AP3S1: variants seen among roughly 807,000 people sequenced by gnomAD.
The protein encoded by AP3S1 is adaptor related protein complex 3 subunit sigma 1.
AP3S1 carries 12 observed loss-of-function variants against 21.3 expected under a neutral mutation model. That is an observed-to-expected ratio of 0.56 (90% confidence interval 0.36 to 0.91). The LOEUF is 0.91. Among genes scored for constraint, AP3S1 ranks in the 40% least tolerant of loss-of-function variants. AP3S1 has a pLI of 0.01. For missense variants in AP3S1, 116 were observed against 225.0 expected (o/e 0.52, Z 3.10); for synonymous variants, 48 against 78.4 (o/e 0.61, Z 2.05).
chr5:115,880,362 C>T (rs1318528337), intron 3 of AP3S1, among the ~76,000 whole-genome samples: 2 of 152,200 alleles, frequency 1.3e-5, no homozygotes, highest in Non-Finnish European at 2.9e-5. Context: ...CACTGAAACA[C>T]TGCTTTAGCT....
intron 3 of AP3S1, among the ~76,000 whole-genome samples, chr5:115,886,853 C>G (rs1749828305): frequency 6.6e-6 from 1 of 152,174 alleles, no homozygotes; most frequent in African/African-American, 2.4e-5. Flanking sequence ...TTCTTCAGCT[C>G]TTAATTTCTC....
chr5:115,856,964 TC>T (rs1762844004), intron 1 of AP3S1, among the ~76,000 whole-genome samples: 1 of 152,156 alleles, frequency 6.6e-6, no homozygotes, highest in African/African-American at 2.4e-5. Context: ...CTTTCCCCGT[TC>T]CTCCTTTTAT....
At chr5:115,842,445 G>A (rs559295979) in intron 1 of AP3S1, 2 of 222,260 alleles carry the variant, frequency 9.0e-6, no homozygotes, top group South Asian at 1.1e-4. Flanking sequence ...GCGGAGCCCT[G>A]CGCCCAGTCC....
intron 3 of AP3S1, among the ~76,000 whole-genome samples, chr5:115,878,666 T>C (rs1212861086): frequency 6.6e-6 from 1 of 152,216 alleles, no homozygotes; most frequent in African/African-American, 2.4e-5. Context: ...TTTAGGATTG[T>C]CTTGGCTGTA....
At chr5:115,901,230 C>T (rs1476559699) in intron 4 of AP3S1, among the ~76,000 whole-genome samples, 3 of 151,990 alleles carry the variant, frequency 2.0e-5, no homozygotes, top group African/African-American at 7.3e-5. Context: ...CATATACACA[C>T]GTATAACAAG....
At chr5:115,854,893 T>G (rs1288403986) in intron 1 of AP3S1, among the ~76,000 whole-genome samples, 1 of 152,164 alleles carries the variant, frequency 6.6e-6, no homozygotes, top group Non-Finnish European at 1.5e-5. Flanking sequence ...TCATTGTTCC[T>G]CTTGACTTCT....
chr5:115,899,490 G>C (rs552862982), intron 4 of AP3S1, among the ~76,000 whole-genome samples: 45 of 152,250 alleles, frequency 3.0e-4, no homozygotes, highest in Admixed American at 4.6e-4. Flanking sequence ...GTCTTGCTGT[G>C]TTGCCCAGGC....
chr5:115,904,404 A>G (rs1226923320), intron 5 of AP3S1, among the ~76,000 whole-genome samples: 2 of 152,248 alleles, frequency 1.3e-5, no homozygotes. Flanking sequence ...TGAAGAATAA[A>G]TCTCAAATCT....
intron 3 of AP3S1, among the ~76,000 whole-genome samples, chr5:115,888,598 T>C (rs1580709064): frequency 6.6e-6 from 1 of 152,282 alleles, no homozygotes; most frequent in African/African-American, 2.4e-5. Context: ...AATGACATTT[T>C]GTTGCAGGGT....
intron 3 of AP3S1, among the ~76,000 whole-genome samples, chr5:115,871,001 C>G (rs557572140): frequency 6.6e-6 from 1 of 152,204 alleles, no homozygotes; most frequent in Non-Finnish European, 1.5e-5. Context: ...GATACCTGCA[C>G]ACACAGTGGA....
intron 3 of AP3S1, among the ~76,000 whole-genome samples, chr5:115,875,136 AAT>A (rs1173067167): frequency 1.3e-4 from 20 of 152,144 alleles, no homozygotes; most frequent in Admixed American, 1.3e-3. Flanking sequence ...AACTGAAGTA[AAT>A]ATGTTTTTTT....
chr5:115,872,344 C>A (rs1748339483), intron 3 of AP3S1, among the ~76,000 whole-genome samples: 1 of 151,996 alleles, frequency 6.6e-6, no homozygotes, highest in Non-Finnish European at 1.5e-5. Context: ...ATAAATTGAT[C>A]TATTTGTATG....
intron 1 of AP3S1, among the ~76,000 whole-genome samples, chr5:115,845,767 G>T (rs371010611): frequency 2.0e-5 from 3 of 147,176 alleles, no homozygotes; most frequent in African/African-American, 7.6e-5. Flanking sequence ...ACCTGGGGAG[G>T]TGGAGAATGC....
chr5:115,883,161 G>A (rs183040558), intron 3 of AP3S1, among the ~76,000 whole-genome samples: 202 of 152,308 alleles, frequency 1.3e-3, no homozygotes, highest in African/African-American at 4.7e-3. Flanking sequence ...TCCACTGAGT[G>A]AGCTAGACCA....
At chr5:115,853,233 G>C (rs534459112) in intron 1 of AP3S1, among the ~76,000 whole-genome samples, 85 of 152,222 alleles carry the variant, frequency 5.6e-4, no homozygotes, top group African/African-American at 2.0e-3. Context: ...AGATGATGTT[G>C]AACATCTCTT....
chr5:115,866,303 A>G (rs751163379), intron 1 of AP3S1, among the ~76,000 whole-genome samples: 1 of 152,202 alleles, frequency 6.6e-6, no homozygotes, highest in Non-Finnish European at 1.5e-5. Context: ...TAGCTACACT[A>G]TTTATATCTT....
intron 4 of AP3S1, 45 bp from the exon 5 acceptor site, chr5:115,902,840 T>A: frequency 7.4e-6 from 10 of 1,348,656 alleles, no homozygotes; most frequent in Non-Finnish European, 1.0e-5. Flanking sequence ...AAACTTCTTT[T>A]TAGTGAATTT....
intron 1 of AP3S1, among the ~76,000 whole-genome samples, chr5:115,861,654 A>C (rs1763192879): frequency 6.6e-6 from 1 of 151,956 alleles, no homozygotes; most frequent in African/African-American, 2.4e-5. Context: ...TCCCAGGCTC[A>C]AGCAATCCTC....
At chr5:115,853,083 TC>T in intron 1 of AP3S1, 1 of 440,614 alleles carries the variant, frequency 2.3e-6, no homozygotes, top group Non-Finnish European at 4.5e-6. Flanking sequence ...CATTTTACAT[TC>T]CCACCAACAA....
Sources: allele counts gnomAD v4.1 joint callset (sites outside exome capture counted in the v4.1 genomes callset), GRCh38; gene constraint gnomAD v4.1.1; transcripts MANE v1.5; gene names NCBI Gene and HGNC (gene_info 2026-07-23, HGNC 2026-07-21).